LUZP2: variants seen among roughly 807,000 people sequenced by gnomAD.
LUZP2 encodes the protein leucine zipper protein 2.
A neutral mutation model predicts 51.6 loss-of-function variants in LUZP2; 52 were observed. That is an observed-to-expected ratio of 1.01 (90% CI 0.81 to 1.27). LUZP2 has a LOEUF of 1.27. Ranked by LOEUF, LUZP2 falls within the 50% of genes most tolerant of loss-of-function variation. LUZP2 has a pLI of 0.00. For synonymous variants in LUZP2, 154 were observed against 137.3 expected, an observed-to-expected ratio of 1.12 and a Z score of -0.85; for missense variants, 436 against 395.4, an observed-to-expected ratio of 1.10 and a Z score of -0.87.
At chr11:24,968,358 T>C (rs1164557360) in intron 7 of LUZP2, among the ~76,000 whole-genome samples, 1 of 152,160 alleles carries the variant, frequency 6.6e-6, no homozygotes, top group Non-Finnish European at 1.5e-5. Flanking sequence ...GTGGTTGTGT[T>C]TTAATAAAAT....
At chr11:24,963,672 C>G (rs2133884621) in intron 7 of LUZP2, among the ~76,000 whole-genome samples, 1 of 152,228 alleles carries the variant, frequency 6.6e-6, no homozygotes, top group Non-Finnish European at 1.5e-5. Context: ...GTCTGTCACC[C>G]CTTTCTTTGA....
intron 1 of LUZP2, among the ~76,000 whole-genome samples, chr11:24,699,666 T>C (rs868788672): frequency 3.5e-5 from 5 of 141,512 alleles, no homozygotes; most frequent in African/African-American, 1.1e-4. Flanking sequence ...TATATATATA[T>C]ACACACACAC....
At chr11:24,538,772 A>G (rs1293165647) in intron 1 of LUZP2, among the ~76,000 whole-genome samples, 3 of 151,834 alleles carry the variant, frequency 2.0e-5, no homozygotes, top group African/African-American at 7.2e-5. Context: ...AATATTTCAC[A>G]GCACTTTCAG....
intron 1 of LUZP2, among the ~76,000 whole-genome samples, chr11:24,582,505 T>C (rs1046079537): frequency 6.6e-6 from 1 of 152,042 alleles, no homozygotes; most frequent in Non-Finnish European, 1.5e-5. Flanking sequence ...CCAAAATATC[T>C]TCTACTTTCT....
Position 24,963,598 on chromosome 11 carries a change from C to T in LUZP2, c.523-12993C>T, listed in dbSNP as rs551948256. ...TGCGGGATATAATCTCCTGGTGCGC[C>T]GTTTTTTAAGCCCGTCAGAAAGGCG... On this transcript the variant is annotated intron_variant, in intron 7 of 11. Transcript: ENST00000336930. Among the ~76,000 whole-genome samples, 6 of 125,626 alleles carry T rather than the reference C, an allele frequency of 4.8e-5. No individual in the cohort carries two copies. In the South Asian group the frequency reaches 1.6e-3, roughly 33 times the overall value. The allele number at this position is 125,626 out of a possible 152,430, so 82.4% of individuals were successfully genotyped here. A position where few individuals can be genotyped will look rare whatever the true frequency, so the allele number is the denominator to read the frequency against.
intron 5 of LUZP2, among the ~76,000 whole-genome samples, chr11:24,788,259 G>A (rs371859480): frequency 7.6e-6 from 1 of 131,902 alleles, no homozygotes; most frequent in Non-Finnish European, 1.5e-5. Flanking sequence ...GCACAATCTC[G>A]GTTCACTGCA....
intron 5 of LUZP2, among the ~76,000 whole-genome samples, chr11:24,799,380 G>T (rs974095257): frequency 6.6e-6 from 1 of 152,054 alleles, no homozygotes; most frequent in Non-Finnish European, 1.5e-5. Flanking sequence ...GGGGGATCAC[G>T]AGGTCAGGAG....
At chr11:25,019,044 C>T (rs12364820) in intron 9 of LUZP2, among the ~76,000 whole-genome samples, 88,545 of 151,682 alleles carry the variant, frequency 0.58, 27,024 homozygotes, top group African/African-American at 0.77. Flanking sequence ...CAACATTTTA[C>T]GCCAGAGTGG....
intron 5 of LUZP2, among the ~76,000 whole-genome samples, chr11:24,790,692 G>A (rs1040611075): frequency 2.0e-5 from 3 of 151,896 alleles, no homozygotes; most frequent in African/African-American, 7.3e-5. Context: ...AGTAGAGTCG[G>A]GGTTTCACCG....
At chr11:24,941,532 A>G (rs1205250513) in intron 7 of LUZP2, among the ~76,000 whole-genome samples, 1 of 152,142 alleles carries the variant, frequency 6.6e-6, no homozygotes, top group Admixed American at 6.6e-5. Context: ...TGCAGTTCAT[A>G]TGTCAGGAAA....
rs1009050292 is a variant in LUZP2 at position 24,594,739 on chromosome 11, G to A, written c.62+97434G>A. ...ATAGAAAATTGGCATTCAATATAGC[G>A]GTTTGGGACACTTTTTTTTTTTTTT... On this transcript the variant is annotated intron_variant, in intron 1 of 11. Transcript: ENST00000336930. 5.4e-5 allele frequency among the ~76,000 whole-genome samples: 8 copies of A among 148,840 alleles called. No individual in the cohort carries two copies. In the South Asian group the frequency reaches 6.4e-4, roughly 12 times the overall value.
chr11:24,821,873 T>TTATATATA (rs143517041), intron 5 of LUZP2, among the ~76,000 whole-genome samples: 2 of 148,150 alleles, frequency 1.3e-5, no homozygotes, highest in South Asian at 2.1e-4. Flanking sequence ...CCAGAAATAT[T>TTATATATA]TATATATATA....
intron 1 of LUZP2, among the ~76,000 whole-genome samples, chr11:24,720,697 G>GTTTGT (rs570046273): frequency 4.6e-5 from 7 of 152,016 alleles, no homozygotes; most frequent in Non-Finnish European, 7.4e-5. Context: ...TCTTTTGTTT[G>GTTTGT]TTTGTTTTGT....
At chr11:24,905,957 C>A (rs764452752) in intron 5 of LUZP2, 34 bp from the exon 6 acceptor site, 9 of 1,484,138 alleles carry the variant, frequency 6.1e-6, no homozygotes, top group Non-Finnish European at 8.5e-6. Flanking sequence ...TATTTTGTCT[C>A]TTCTTTGCAA....
intron 5 of LUZP2, among the ~76,000 whole-genome samples, chr11:24,787,895 G>C (rs773259103): frequency 6.6e-6 from 1 of 152,006 alleles, no homozygotes; most frequent in African/African-American, 2.4e-5. Flanking sequence ...TGAGTCACTG[G>C]GACTACAGGT....
intron 5 of LUZP2, among the ~76,000 whole-genome samples, chr11:24,861,532 C>T (rs1851740902): frequency 2.6e-5 from 4 of 152,030 alleles, no homozygotes; most frequent in Admixed American, 2.6e-4. Context: ...CACAAAATGC[C>T]CAACCCCAAG....
chr11:24,511,420 A>C (rs1291522919), intron 1 of LUZP2, among the ~76,000 whole-genome samples: 3 of 151,390 alleles, frequency 2.0e-5, no homozygotes, highest in Non-Finnish European at 3.0e-5. Context: ...AATAAAAAAA[A>C]ATACAATGGC....
chr11:25,017,626 A>G (rs12574552), intron 9 of LUZP2, among the ~76,000 whole-genome samples: 60,930 of 151,998 alleles, frequency 0.4, 14,547 homozygotes, highest in East Asian at 0.77. Flanking sequence ...TGTATCTTTT[A>G]TACCAGCACC....
At chr11:24,602,387 T>TACACACACACACACAC (rs71041785) in intron 1 of LUZP2, among the ~76,000 whole-genome samples, 2 of 129,516 alleles carry the variant, frequency 1.5e-5, no homozygotes, top group African/African-American at 5.7e-5. Context: ...TATATATATA[T>TACACACACACACACAC]ACACACACAC....
Sources: allele counts gnomAD v4.1 joint callset (sites outside exome capture counted in the v4.1 genomes callset), GRCh38; gene constraint gnomAD v4.1.1; transcripts MANE v1.5; gene names NCBI Gene and HGNC (gene_info 2026-07-23, HGNC 2026-07-21).